CSAD: variants seen among roughly 807,000 people sequenced by gnomAD.
The protein encoded by CSAD is cysteine sulfinic acid decarboxylase.
Under a neutral mutation model 61.5 loss-of-function variants are expected in CSAD, and 47 were observed. The observed-to-expected ratio is 0.76, with a 90% CI of 0.60 to 0.97. CSAD has a LOEUF of 0.97. Ranked by LOEUF, CSAD falls within the 50% of genes least tolerant of loss-of-function variation. CSAD has a pLI of 0.00. For missense variants in CSAD, 611 were observed against 643.6 expected, an observed-to-expected ratio of 0.95 and a Z score of 0.55; for synonymous variants, 245 against 252.7, an observed-to-expected ratio of 0.97 and a Z score of 0.29.
chr12:53,180,006 G>A (rs1941443474), intron 1 of CSAD: 1 of 1,457,508 alleles, frequency 6.9e-7, no homozygotes, highest in African/African-American at 1.4e-5. Context: ...GTTTGATGCT[G>A]GACGGCCTGG....
chr12:53,180,027 G>A, intron 1 of CSAD: 3 of 1,425,950 alleles, frequency 2.1e-6, no homozygotes, highest in African/African-American at 1.4e-5. Flanking sequence ...AGTAAAGGGC[G>A]AAGGGGAGAA....
Position 53,160,436 on chromosome 12 carries a change from C to A in CSAD, c.967-117G>T, listed in dbSNP as rs1939149405. 3.8e-6 allele frequency: 4 copies of A among 1,065,496 alleles called. No homozygotes were observed. In the Admixed American group the frequency reaches 8.0e-5, roughly 21 times the overall value. The allele number at this position is 1,065,496 out of a possible 1,614,324, so 66.0% of individuals were successfully genotyped here. On this transcript the variant is annotated intron_variant, in intron 13 of 16. Transcript: ENST00000444623. ...CTCTTCTTTCCCTGGAGCCAGATGGCACTGCTGGGACGGCTGCCTGCTGGC... is the reference window on the plus strand; with the variant it reads ...CTCTTCTTTCCCTGGAGCCAGATGGAACTGCTGGGACGGCTGCCTGCTGGC...
chr12:53,172,057 A>C, intron 6 of CSAD, 69 bp from the exon 7 acceptor site: 1 of 1,094,084 alleles, frequency 9.1e-7, no homozygotes, highest in Non-Finnish European at 1.4e-6. Flanking sequence ...CTTAAACTGC[A>C]CAGGAGTCAC....
At chr12:53,167,899 C>T (rs1050520989) in intron 10 of CSAD, among the ~76,000 whole-genome samples, 4 of 152,120 alleles carry the variant, frequency 2.6e-5, no homozygotes, top group Non-Finnish European at 4.4e-5. Flanking sequence ...TAAATGAAAA[C>T]GTATTTTCAC....
chr12:53,165,699 C>T (rs1287042277), intron 10 of CSAD, among the ~76,000 whole-genome samples: 1 of 146,078 alleles, frequency 6.8e-6, no homozygotes, highest in Non-Finnish European at 1.5e-5. Flanking sequence ...AAGAAAATAA[C>T]AAGCGTTGAC....
At chr12:53,165,627 C>T (rs1265400429) in intron 10 of CSAD, among the ~76,000 whole-genome samples, 4 of 143,988 alleles carry the variant, frequency 2.8e-5, no homozygotes, top group African/African-American at 1.0e-4. Context: ...CACGACACTG[C>T]ACTCCAGCCT....
chr12:53,180,657 G>C (rs969390340), intron 1 of CSAD, 75 bp downstream of exon 1: 2 of 1,281,968 alleles, frequency 1.6e-6, no homozygotes, highest in South Asian at 1.2e-5. Flanking sequence ...GGATGCAGCC[G>C]CTCGGCGGAG....
At chr12:53,180,609 A>C in intron 1 of CSAD, 123 bp downstream of exon 1, 1 of 1,284,030 alleles carries the variant, frequency 7.8e-7, no homozygotes, top group Non-Finnish European at 1.0e-6. Flanking sequence ...ACCCGCTCTG[A>C]GGCTGCCCCC....
chr12:53,166,015 C>T (rs1287469047), intron 10 of CSAD, among the ~76,000 whole-genome samples: 1 of 152,164 alleles, frequency 6.6e-6, no homozygotes, highest in African/African-American at 2.4e-5. Flanking sequence ...AGACATTCTG[C>T]TAAGTGAAAT....
intron 10 of CSAD, among the ~76,000 whole-genome samples, chr12:53,163,857 C>T (rs1230170650): frequency 6.6e-6 from 1 of 152,160 alleles, no homozygotes; most frequent in African/African-American, 2.4e-5. Context: ...GATTTCAAAA[C>T]ATACTACAAA....
In CSAD at chr12:53,172,417, G is replaced by A; in HGVS notation, c.273C>T (p.Asn91=). 1 of 1,614,190 alleles carries A rather than the reference G, an allele frequency of 6.2e-7. No homozygotes were observed. Among genetic ancestry groups the A allele is most frequent in the Non-Finnish European group, 8.5e-7 (1 of 1,180,044 alleles). The change falls in exon 6 of 17, where the codon AAC becomes AAT. Residue 91 remains asparagine (N), a synonymous_variant. Transcript: ENST00000444623. ...GGGGATCCAACCCAGAGAAGAGCTG[G>A]TTGAAGAACCGAGGGTGACCTGGAG... ...SVKTGHPRFF[N]QLFSGLDPHA... is the part of the protein sequence containing the mutation.
In CSAD at chr12:53,171,437, G is replaced by C; in HGVS notation, c.456C>G (p.Gly152=). The change falls in exon 8 of 17, where the codon GGC becomes GGG. Residue 152 remains glycine, a synonymous_variant. Coordinates refer to ENST00000444623, the MANE Select transcript of CSAD (RefSeq NM_001244705.2). ...TTACAGCATACATGTTGGAGATGGA[G>C]CCACCTGTCACAGGGAGGGGGCGGT... ...SSGDGIFCPG[G]SISNMYAVNL... 6.2e-7 allele frequency: 1 copy of C among 1,613,576 alleles called. No individual in the cohort carries two copies.
intron 1 of CSAD, chr12:53,179,639 TG>T: frequency 1.4e-6 from 1 of 730,840 alleles, no homozygotes; most frequent in Non-Finnish European, 2.3e-6. Context: ...GCCCAAATCA[TG>T]GAGTGGCTCA....
intron 10 of CSAD, among the ~76,000 whole-genome samples, chr12:53,163,182 C>T (rs1255413994): frequency 3.9e-5 from 6 of 152,110 alleles, no homozygotes; most frequent in Admixed American, 3.9e-4. Context: ...CTGCAGTGAA[C>T]CATGATTGCA....
chr12:53,169,288 T>G (rs1217713145), intron 10 of CSAD, among the ~76,000 whole-genome samples: 1 of 152,032 alleles, frequency 6.6e-6, no homozygotes, highest in Non-Finnish European at 1.5e-5. Flanking sequence ...GAGACCAGCC[T>G]GACCAACATG....
At chr12:53,177,353 A>G (rs768173851) in intron 2 of CSAD, among the ~76,000 whole-genome samples, 22 of 152,226 alleles carry the variant, frequency 1.4e-4, no homozygotes, top group Non-Finnish European at 2.8e-4. Flanking sequence ...AAGCTGAAAG[A>G]TAAGTGAAAA....
At chr12:53,171,221 C>T (rs767520314) in intron 8 of CSAD, 105 bp downstream of exon 8, 2 of 1,558,016 alleles carry the variant, frequency 1.3e-6, no homozygotes, top group South Asian at 2.3e-5. Context: ...GCAGGCTGGC[C>T]TTGGAGGATG....
chr12:53,173,481 G>C lies in CSAD; in HGVS notation c.-6-5C>G. The C allele has an allele frequency of 6.2e-7, 1 of 1,614,182 alleles. No homozygotes were observed. The highest frequency in any genetic ancestry group is 8.5e-7 in the Non-Finnish European group (1 of 1,180,028). On this transcript the variant is annotated splice_region_variant and splice_polypyrimidine_tract_variant and intron_variant, in intron 3 of 16. Transcript: ENST00000444623. ...TTCTGAGTCAGCCATCAGGATCTGT[G>C]GCAGAGCAGAGTCATTCCCTACTCA...
chr12:53,167,336 G>A (rs1195727906), intron 10 of CSAD, among the ~76,000 whole-genome samples: 7 of 152,148 alleles, frequency 4.6e-5, no homozygotes, highest in Admixed American at 4.6e-4. Flanking sequence ...ACCCAAAGGG[G>A]CACCACCTAG....
Sources: gnomAD v4.1 joint callset for allele counts (sites outside exome capture counted in the v4.1 genomes callset) on GRCh38, gnomAD v4.1.1 for gene constraint, MANE v1.5 for transcripts, NCBI Gene and HGNC (gene_info 2026-07-23, HGNC 2026-07-21) for gene names.